Variants in TANC1 observed in about 807,000 individuals in gnomAD.
TANC1 encodes tetratricopeptide repeat, ankyrin repeat and coiled-coil containing 1.
In TANC1, 77 loss-of-function variants were observed where a neutral mutation model predicts 149.7. The ratio of observed to expected loss-of-function variants is 0.51; its 90% CI spans 0.43 to 0.62. The LOEUF is 0.62. TANC1 is among the 20% of genes least tolerant of loss of function. The pLI, the probability that TANC1 is intolerant of heterozygous loss-of-function variation, is 0.00. For missense variants in TANC1, 1,985 were observed against 2,321.8 expected, an observed-to-expected ratio of 0.85 and a Z score of 2.98; for synonymous variants, 854 against 925.0, an observed-to-expected ratio of 0.92 and a Z score of 1.39.
At chr2:159,063,326 GC>G (rs1294301288) in intron 2 of TANC1, among the ~76,000 whole-genome samples, 1 of 152,116 alleles carries the variant, frequency 6.6e-6, no homozygotes. Context: ...GTCATTATTG[GC>G]CCCTAGGGTC....
At chr2:159,143,074 A>AC (rs1207131644) in intron 5 of TANC1, among the ~76,000 whole-genome samples, 4 of 86,856 alleles carry the variant, frequency 4.6e-5, no homozygotes, top group Admixed American at 1.5e-4. Context: ...AAAAAAAAAA[A>AC]AAAACAACAA....
chr2:159,088,211 C>T lies in TANC1; in HGVS notation c.62-9426C>T, dbSNP rs558189623. Reference sequence around the variant, plus strand: ...GTCGGGCTCTGGTGCCTTTCAGAGGCTCCGAGGTTTTGTTTGTATCCTAGT... The same window carrying T: ...GTCGGGCTCTGGTGCCTTTCAGAGGTTCCGAGGTTTTGTTTGTATCCTAGT... On this transcript the variant is annotated intron_variant, in intron 3 of 26. Transcript: ENST00000263635. Among the ~76,000 whole-genome samples, 4 of 152,194 alleles carry T rather than the reference C, an allele frequency of 2.6e-5. No homozygotes were observed. The East Asian group carries it at 7.7e-4, about 29-fold the overall frequency.
At chr2:158,977,707 G>A (rs572841024) in intron 1 of TANC1, among the ~76,000 whole-genome samples, 2 of 151,296 alleles carry the variant, frequency 1.3e-5, no homozygotes, top group South Asian at 4.2e-4. Context: ...TTTGTTACTT[G>A]CAGCTGAAAG....
At chr2:159,159,703 TGTGTGTGTGTGTGTGA>T (rs1339282880) in intron 7 of TANC1, among the ~76,000 whole-genome samples, 34 of 62,230 alleles carry the variant, frequency 5.5e-4, no homozygotes, top group East Asian at 2.2e-3. Flanking sequence ...TGTGTGTGTG[TGTGTGTGTGTGTGTGA>T]GAGAGAGAGA....
In TANC1 at chr2:159,227,836, G is replaced by A; in HGVS notation, c.3921G>A (p.Glu1307=). The change falls in exon 25 of 27, where the codon GAG becomes GAA. Residue 1307 remains glutamate, a synonymous_variant. Coordinates refer to ENST00000263635, the MANE Select transcript of TANC1 (RefSeq NM_033394.3). ...AATCCTAGAAAGGGAAAATGAAAGAGGCAGCCCAGAGGTACCAGTATGCCT... is the reference window on the plus strand; with the variant it reads ...AATCCTAGAAAGGGAAAATGAAAGAAGCAGCCCAGAGGTACCAGTATGCCT... The part of the protein sequence containing the change: ...NVMYKKGKMK[E]AAQRYQYALR... The A allele has an allele frequency of 3.7e-6, 6 of 1,613,736 alleles. No homozygotes were observed. The highest frequency in any genetic ancestry group is 5.1e-6 in the Non-Finnish European group (6 of 1,179,936).
chr2:158,972,714 TAAG>T (rs748441769), intron 1 of TANC1, among the ~76,000 whole-genome samples: 3 of 152,184 alleles, frequency 2.0e-5, no homozygotes, highest in Non-Finnish European at 4.4e-5. Flanking sequence ...TAAACCTCAA[TAAG>T]AAGATGTATC....
At chr2:159,138,293 A>G (rs2050980831) in intron 5 of TANC1, among the ~76,000 whole-genome samples, 1 of 151,638 alleles carries the variant, frequency 6.6e-6, no homozygotes, top group African/African-American at 2.4e-5. Context: ...GGTGTAGTTC[A>G]CGTCTGTGGG....
chr2:159,083,771 T>A (rs985708251), intron 3 of TANC1, among the ~76,000 whole-genome samples: 1 of 152,228 alleles, frequency 6.6e-6, no homozygotes, highest in South Asian at 2.1e-4. Flanking sequence ...ATGATTAGAA[T>A]GGAATGTTAA....
chr2:159,178,799 A>G lies in TANC1; in HGVS notation c.2146A>G (p.Arg716Gly), dbSNP rs777984907. ...YLKLTLDLFQ[R>G]GHLVIKSASY... ...CAAGCTCACCCTGGACCTTTTCCAGAGGGGCCACTTGGTCATTAAGAGTGC... is the reference window on the plus strand; with the variant it reads ...CAAGCTCACCCTGGACCTTTTCCAGGGGGGCCACTTGGTCATTAAGAGTGC... The change falls in exon 14 of 27, where the codon AGG (arginine) becomes GGG (glycine). Residue 716 changes from arginine to glycine, a missense_variant. By Grantham distance (125) the Arg-to-Gly change is moderately radical. Transcript: ENST00000263635. The G allele has an allele frequency of 9.9e-6, 16 of 1,614,182 alleles. No individual in the cohort carries two copies. The highest frequency in any genetic ancestry group is 1.4e-5 in the Non-Finnish European group (16 of 1,180,032).
At chr2:158,982,862 A>G (rs954667841) in intron 1 of TANC1, among the ~76,000 whole-genome samples, 3 of 152,160 alleles carry the variant, frequency 2.0e-5, no homozygotes, top group African/African-American at 7.2e-5. Context: ...GGGCTCAAGC[A>G]GTCTTCCTGC....
At chr2:159,176,122 CAT>C (rs1161365781) in intron 12 of TANC1, among the ~76,000 whole-genome samples, 7 of 152,202 alleles carry the variant, frequency 4.6e-5, no homozygotes, top group South Asian at 2.1e-4. Flanking sequence ...ATTCTGCTAA[CAT>C]GTGTCATGCA....
chr2:159,179,012 G>C lies in TANC1; in HGVS notation c.2359G>C (p.Gly787Arg), dbSNP rs376691189. 1.9e-6 allele frequency: 3 copies of C among 1,613,970 alleles called. No individual in the cohort carries two copies. The highest frequency in any genetic ancestry group is 2.5e-6 in the Non-Finnish European group (3 of 1,180,042). The change falls in exon 14 of 27, where the codon GGA becomes CGA. Residue 787 changes from glycine to arginine, a missense_variant. By Grantham distance (125) the Gly-to-Arg change is moderately radical (BLOSUM62 -2). Transcript: ENST00000263635. ...INAGHIQGEQ[G>R]WEDFQQRMDA... ...TGCTGGCCACATCCAGGGGGAGCAGGGATGGGAAGACTTTCAGCAGAGGAT... is the reference window on the plus strand; with the variant it reads ...TGCTGGCCACATCCAGGGGGAGCAGCGATGGGAAGACTTTCAGCAGAGGAT...
At chr2:159,228,416 A>C in intron 25 of TANC1, 1 of 258,530 alleles carries the variant, frequency 3.9e-6, no homozygotes, top group African/African-American at 2.2e-5. Flanking sequence ...CTGTTTCAGT[A>C]GTACTTCCTA....
chr2:159,206,811 T>C (rs562368342), intron 19 of TANC1, among the ~76,000 whole-genome samples: 2 of 152,304 alleles, frequency 1.3e-5, no homozygotes, highest in South Asian at 4.1e-4. Context: ...TCCTGGCATG[T>C]AATGAAGTCC....
intron 24 of TANC1, chr2:159,226,596 G>GT (rs1291744625): frequency 6.6e-6 from 1 of 152,204 alleles, no homozygotes; most frequent in Non-Finnish European, 1.5e-5. Flanking sequence ...TAATACCTCA[G>GT]TTACTCAGAA....
chr2:158,970,146 A>C (rs1354464690), intron 1 of TANC1, among the ~76,000 whole-genome samples: 1 of 18,910 alleles, frequency 5.3e-5, no homozygotes, highest in Non-Finnish European at 1.1e-4. Flanking sequence ...GCGTGTTTGG[A>C]GGGGTGGGGG....
At position 159,231,770 on chromosome 2, in the gene TANC1, A is replaced by T. The variant is rs946108951; in HGVS notation, c.*758A>T. 6.6e-6 allele frequency: 1 copy of T among 152,200 alleles called. No individual in the cohort carries two copies. Among genetic ancestry groups the T allele is most frequent in the Non-Finnish European group, 1.5e-5 (1 of 68,036 alleles). The allele number at this position is 152,200 out of a possible 1,614,324, so 9.4% of individuals were successfully genotyped here. A position where few individuals can be genotyped will look rare whatever the true frequency, so the allele number is the denominator to read the frequency against. On this transcript the variant is annotated 3_prime_UTR_variant, in exon 27 of 27. Coordinates refer to ENST00000263635, the MANE Select transcript of TANC1 (RefSeq NM_033394.3). ...TTCAAGCTAAAATACTAAGACCAGC[A>T]TTCTTAGTGGCGCTTATAAATTAGC...
chr2:159,185,653 A>C, intron 14 of TANC1, 138 bp from the exon 15 acceptor site: 3 of 623,626 alleles, frequency 4.8e-6, no homozygotes, highest in African/African-American at 1.8e-5. Flanking sequence ...CTCAGATGAG[A>C]CCCTTAGCCT....
chr2:159,072,589 C>T (rs1238421656), intron 3 of TANC1, among the ~76,000 whole-genome samples: 1 of 152,100 alleles, frequency 6.6e-6, no homozygotes, highest in African/African-American at 2.4e-5. Flanking sequence ...TCTTTTCTTT[C>T]TTGAGAAAAC....
Sources: gnomAD v4.1 joint callset for allele counts (sites outside exome capture counted in the v4.1 genomes callset) on GRCh38, gnomAD v4.1.1 for gene constraint, MANE v1.5 for transcripts, NCBI Gene and HGNC (gene_info 2026-07-23, HGNC 2026-07-21) for gene names.